ITPRID1: variants seen among roughly 807,000 people sequenced by gnomAD.
ITPRID1 encodes ITPR interacting domain containing 1, also known as protein ITPRID1.
In ITPRID1, 96 loss-of-function variants were observed where a neutral mutation model predicts 95.4. The observed-to-expected ratio is 1.01, with a 90% CI of 0.85 to 1.19. The LOEUF (loss-of-function observed/expected upper bound fraction) is 1.19. ITPRID1 is among the 50% of genes most tolerant of loss of function. The probability of loss-of-function intolerance (pLI) is 0.00; values close to 1 mark genes in which losing one functional copy is unlikely to be tolerated. For synonymous variants in ITPRID1, 510 were observed against 453.6 expected (o/e 1.12, Z -1.58); for missense variants, 1,339 against 1,252.9 (o/e 1.07, Z -1.04).
chr7:31,567,486 T>C (rs887916881), intron 5 of ITPRID1, among the ~76,000 whole-genome samples: 10 of 152,118 alleles, frequency 6.6e-5, no homozygotes, highest in African/African-American at 2.4e-4. Context: ...ATGTCTGCCA[T>C]GGGAGTAGCA....
chr7:31,645,287 T>C (rs1319727615), intron 12 of ITPRID1, among the ~76,000 whole-genome samples: 6 of 152,314 alleles, frequency 3.9e-5, no homozygotes, highest in South Asian at 2.1e-4. Flanking sequence ...TTTCAATGTA[T>C]AGAAATCACA....
At chr7:31,603,188 A>G (rs931755879) in intron 10 of ITPRID1, among the ~76,000 whole-genome samples, 1 of 152,006 alleles carries the variant, frequency 6.6e-6, no homozygotes, top group African/African-American at 2.4e-5. Context: ...CAGAGATGTA[A>G]CCACCTCCAT....
chr7:31,631,202 C>T (rs1441808627), intron 10 of ITPRID1, among the ~76,000 whole-genome samples: 8 of 151,938 alleles, frequency 5.3e-5, no homozygotes, highest in Admixed American at 4.6e-4. Context: ...AAAAGAGAAA[C>T]CTATCAATTG....
rs978201379 is a variant in ITPRID1 at position 31,571,030 on chromosome 7, TTTG to T, written c.309-1069_309-1067del. Among the ~76,000 whole-genome samples, 7 of 150,654 alleles carry T rather than the reference TTTG, an allele frequency of 4.6e-5. No individual in the cohort carries two copies. The South Asian group carries it at 6.3e-4, about 14-fold the overall frequency. On this transcript the variant is annotated intron_variant, in intron 6 of 14. Coordinates refer to ENST00000615280, the MANE Select transcript of ITPRID1 (RefSeq NM_001257967.3). ...GGACAGGGCCCAGCTATTGTTTTTT[TTTG>T]TTTGTTTGTTTGTTTTTGAGACAGA...
At chr7:31,646,930 A>G (rs1790516902) in intron 12 of ITPRID1, among the ~76,000 whole-genome samples, 1 of 152,236 alleles carries the variant, frequency 6.6e-6, no homozygotes, top group Non-Finnish European at 1.5e-5. Flanking sequence ...ACCTGCTGAA[A>G]TGGATGCTAT....
At chr7:31,619,577 A>T (rs1428423607) in intron 10 of ITPRID1, among the ~76,000 whole-genome samples, 1 of 152,092 alleles carries the variant, frequency 6.6e-6, no homozygotes, top group Non-Finnish European at 1.5e-5. Flanking sequence ...ATCAATGGTC[A>T]AGTAAGTTTG....
intron 14 of ITPRID1, 104 bp downstream of exon 14, chr7:31,652,154 C>T: frequency 1.1e-6 from 1 of 870,114 alleles, no homozygotes; most frequent in Non-Finnish European, 1.8e-6. Context: ...TCTAGGTTTA[C>T]ATGCCAACAC....
In ITPRID1 at chr7:31,577,944, A is replaced by G. The variant is rs760116621; in HGVS notation, c.680A>G (p.Asn227Ser). ...CTGAGTGATGTCAGCATCCTGCCAA[A>G]CAGAGCTGAAGAGAAAGCTGGAGGA... ...SLLSDVSILPNRAEEKAGGES... is the reference protein window; with the variant it reads ...SLLSDVSILPSRAEEKAGGES... The change falls in exon 9 of 15, where the codon AAC becomes AGC. Residue 227 changes from asparagine (N) to serine (S), a missense_variant. Physicochemically the swap from Asn to Ser is conservative, Grantham distance 46. Coordinates refer to ENST00000615280, the MANE Select transcript of ITPRID1 (RefSeq NM_001257967.3). The G allele has an allele frequency of 6.2e-7, 1 of 1,613,754 alleles. No individual in the cohort carries two copies. Among genetic ancestry groups the G allele is most frequent in the South Asian group, 1.1e-5 (1 of 91,044 alleles).
intron 1 of ITPRID1, among the ~76,000 whole-genome samples, chr7:31,519,621 T>TCTCTCTCTCTCTCC (rs1554279823): frequency 2.6e-4 from 8 of 30,234 alleles, no homozygotes; most frequent in African/African-American, 3.0e-4. Context: ...TCTCTCTCTC[T>TCTCTCTCTCTCTCC]ATATATATAT....
intron 1 of ITPRID1, among the ~76,000 whole-genome samples, chr7:31,519,620 C>CTCTCTCTCTCTCTATATATATATA: frequency 2.8e-4 from 7 of 25,260 alleles, no homozygotes; most frequent in Non-Finnish European, 4.4e-4. Flanking sequence ...CTCTCTCTCT[C>CTCTCTCTCTCTCTATATATATATA]TATATATATA....
At chr7:31,556,934 A>G (rs563052817) in intron 5 of ITPRID1, among the ~76,000 whole-genome samples, 1 of 151,994 alleles carries the variant, frequency 6.6e-6, no homozygotes, top group Non-Finnish European at 1.5e-5. Flanking sequence ...TGAAGGTTCT[A>G]GGGAAGAATC....
chr7:31,558,544 G>A (rs987281978), intron 5 of ITPRID1, among the ~76,000 whole-genome samples: 2 of 152,012 alleles, frequency 1.3e-5, no homozygotes, highest in South Asian at 2.1e-4. Flanking sequence ...TTGGTCAAAG[G>A]GTATAAACTT....
Position 31,519,620 on chromosome 7 carries a change from C to CTCCATATATATATATATATATATATATA in ITPRID1, c.-98+5501_-98+5502insCCATATATATATATATATATATATATAT. On this transcript the variant is annotated intron_variant, in intron 1 of 14. Transcript: ENST00000615280. ...TCTCTCTCTCTCTCTCTCTCTCTCT[C>CTCCATATATATATATATATATATATATA]TATATATATATATATATATATATAT... Among the ~76,000 whole-genome samples the CTCCATATATATATATATATATATATATA allele has an allele frequency of 7.5e-4, 19 of 25,268 alleles. 1 individual carries two copies. The highest frequency in any genetic ancestry group is 1.8e-3 in the Admixed American group (3 of 1,700). 16.6% of individuals were successfully genotyped at this position (25,268 alleles called of 152,430 possible).
chr7:31,554,887 T>G lies in ITPRID1; in HGVS notation c.242T>G (p.Val81Gly). The change falls in exon 5 of 15, where the codon GTC becomes GGC. Residue 81 changes from valine (V) to glycine (G), a missense_variant. Transcript: ENST00000615280. The stretch of plus-strand genomic sequence containing the variant: ...TCTGCAAATGAAAACTTTCAACAAG[T>G]CATTGACCGCACTGGTAAGACAAGA... ...FVSANENFQQ[V>G]IDRTVSLYEQ... The G allele has an allele frequency of 1.3e-6, 2 of 1,583,126 alleles. No homozygotes were observed. The highest frequency in any genetic ancestry group is 1.7e-6 in the Non-Finnish European group (2 of 1,162,380).
At chr7:31,584,516 G>A (rs1431205692) in intron 10 of ITPRID1, among the ~76,000 whole-genome samples, 13 of 151,962 alleles carry the variant, frequency 8.6e-5, no homozygotes, top group African/African-American at 3.1e-4. Context: ...TTAATACCAT[G>A]TAAGTCGCCC....
chr7:31,538,701 C>A (rs1225941614), intron 1 of ITPRID1, among the ~76,000 whole-genome samples: 1 of 152,056 alleles, frequency 6.6e-6, no homozygotes, highest in Non-Finnish European at 1.5e-5. Context: ...CAGAAATAAC[C>A]ACTGTCTTTC....
chr7:31,609,605 TGTC>T (rs1786777510), intron 10 of ITPRID1, among the ~76,000 whole-genome samples: 1 of 151,614 alleles, frequency 6.6e-6, no homozygotes, highest in Non-Finnish European at 1.5e-5. Flanking sequence ...TTTGTATAAT[TGTC>T]TTTTATTTCT....
intron 1 of ITPRID1, among the ~76,000 whole-genome samples, chr7:31,535,167 A>T (rs1395521123): frequency 6.6e-6 from 1 of 152,128 alleles, no homozygotes; most frequent in African/African-American, 2.4e-5. Context: ...TTACCTTGTC[A>T]CCAGCACAGT....
At chr7:31,590,940 C>T (rs886532730) in intron 10 of ITPRID1, among the ~76,000 whole-genome samples, 1 of 152,208 alleles carries the variant, frequency 6.6e-6, no homozygotes, top group African/African-American at 2.4e-5. Flanking sequence ...CTCAGTTTCT[C>T]ATACAGTTCA....
Sources: gnomAD v4.1 joint callset for allele counts (sites outside exome capture counted in the v4.1 genomes callset) on GRCh38, gnomAD v4.1.1 for gene constraint, MANE v1.5 for transcripts, NCBI Gene and HGNC (gene_info 2026-07-23, HGNC 2026-07-21) for gene names.